The following CDH4 variants were observed in gnomAD, a reference collection of about 807,000 sequenced individuals.
CDH4 encodes the protein cadherin-4.
Under a neutral mutation model 86.0 loss-of-function variants are expected in CDH4, and 33 were observed. That is an observed-to-expected ratio of 0.38 (90% confidence interval 0.29 to 0.51). CDH4 has a LOEUF of 0.51. CDH4 is among the 20% of genes least tolerant of loss of function. The pLI, the probability that CDH4 is intolerant of heterozygous loss-of-function variation, is 0.86. For synonymous variants in CDH4, 555 were observed against 549.4 expected (o/e 1.01, Z -0.14); for missense variants, 1,114 against 1,307.4 (o/e 0.85, Z 2.28).
intron 2 of CDH4, among the ~76,000 whole-genome samples, chr20:61,562,567 C>T (rs561469231): frequency 5.6e-4 from 86 of 152,272 alleles, no homozygotes; most frequent in African/African-American, 1.9e-3. Context: ...TTGGTGCGTC[C>T]CTGCAGGATC....
At chr20:61,471,406 C>A (rs1379331798) in intron 2 of CDH4, among the ~76,000 whole-genome samples, 1 of 150,982 alleles carries the variant, frequency 6.6e-6, no homozygotes, top group Non-Finnish European at 1.5e-5. Flanking sequence ...TTATTTGGGT[C>A]TTCTCTCTTT....
chr20:61,259,821 G>A (rs1399206400), intron 2 of CDH4, among the ~76,000 whole-genome samples: 3 of 152,216 alleles, frequency 2.0e-5, no homozygotes, highest in Admixed American at 6.5e-5. Flanking sequence ...AGTCTATTAG[G>A]TTAGGCTTTG....
chr20:61,396,902 T>C (rs573193882), intron 2 of CDH4, among the ~76,000 whole-genome samples: 1 of 152,254 alleles, frequency 6.6e-6, no homozygotes, highest in East Asian at 1.9e-4. Flanking sequence ...ATGTAAACAG[T>C]ATCTTGATAA....
intron 2 of CDH4, among the ~76,000 whole-genome samples, chr20:61,690,266 G>T (rs2087638946): frequency 6.6e-6 from 1 of 151,966 alleles, no homozygotes; most frequent in Non-Finnish European, 1.5e-5. Flanking sequence ...GAGATGGTGT[G>T]GTCATCAGGC....
chr20:61,705,780 T>A (rs2087822989), intron 2 of CDH4, among the ~76,000 whole-genome samples: 2 of 152,354 alleles, frequency 1.3e-5, no homozygotes, highest in Middle Eastern at 6.8e-3. Flanking sequence ...ATGTGGTGGA[T>A]GCCTGCAGAA....
Position 61,630,417 on chromosome 20 carries a change from C to T in CDH4, c.170-113146C>T, listed in dbSNP as rs115565763. On this transcript the variant is annotated intron_variant, in intron 2 of 15. Transcript: ENST00000614565. ...AGTGTCAGAGATCCCCAGGACTCTG[C>T]TTGGCTCAGGGCTTGTGGTTTAGCT... is the stretch of plus-strand genomic sequence containing the variant. Among the ~76,000 whole-genome samples, 553 of 152,256 alleles carry T rather than the reference C, an allele frequency of 3.6e-3. 2 individuals carry two copies. The highest frequency in any genetic ancestry group is 0.013 in the African/African-American group (531 of 41,550).
At chr20:61,554,861 T>C (rs1030001783) in intron 2 of CDH4, among the ~76,000 whole-genome samples, 1 of 148,710 alleles carries the variant, frequency 6.7e-6, no homozygotes, top group Non-Finnish European at 1.5e-5. Context: ...TGAGTTCGCA[T>C]GTTTGTGTGT....
At chr20:61,575,112 CA>C (rs541867455) in intron 2 of CDH4, among the ~76,000 whole-genome samples, 2 of 152,134 alleles carry the variant, frequency 1.3e-5, no homozygotes, top group African/African-American at 4.8e-5. Context: ...GCGGCCAACA[CA>C]AAAAAGCTAA....
intron 1 of CDH4, among the ~76,000 whole-genome samples, chr20:61,253,298 G>C (rs1008596557): frequency 4.6e-5 from 7 of 151,222 alleles, no homozygotes; most frequent in Non-Finnish European, 1.0e-4. Flanking sequence ...GAGGGCGAGC[G>C]GGTCTCCCGC....
chr20:61,596,403 C>T (rs138558324), intron 2 of CDH4, among the ~76,000 whole-genome samples: 42 of 152,274 alleles, frequency 2.8e-4, no homozygotes, highest in Non-Finnish European at 4.7e-4. Flanking sequence ...CCCAACTCAT[C>T]GTGTGCAGAA....
intron 3 of CDH4, 49 bp from the exon 4 acceptor site, chr20:61,772,954 A>G: frequency 1.3e-6 from 2 of 1,553,904 alleles, no homozygotes; most frequent in South Asian, 1.2e-5. Flanking sequence ...TCCTCTGTGC[A>G]AAACCTAACT....
At chr20:61,743,339 G>A (rs936672723) in intron 2 of CDH4, among the ~76,000 whole-genome samples, 1 of 152,240 alleles carries the variant, frequency 6.6e-6, no homozygotes, top group Non-Finnish European at 1.5e-5. Flanking sequence ...TAGAATGGAA[G>A]CTCAGTGTTG....
intron 2 of CDH4, among the ~76,000 whole-genome samples, chr20:61,278,276 T>C (rs1268106808): frequency 6.6e-6 from 1 of 152,242 alleles, no homozygotes; most frequent in Non-Finnish European, 1.5e-5. Flanking sequence ...AACTAAGATC[T>C]GCAAGTGCCT....
chr20:61,686,011 A>T (rs1468553260), intron 2 of CDH4, among the ~76,000 whole-genome samples: 1 of 152,222 alleles, frequency 6.6e-6, no homozygotes, highest in African/African-American at 2.4e-5. Flanking sequence ...ATCTCAATAA[A>T]TACTGAAGGC....
At chr20:61,897,298 C>T (rs1287661912) in intron 8 of CDH4, among the ~76,000 whole-genome samples, 11 of 152,088 alleles carry the variant, frequency 7.2e-5, no homozygotes, top group Admixed American at 5.9e-4. Flanking sequence ...CATCCCGAGA[C>T]TCTGGGAGGC....
intron 2 of CDH4, among the ~76,000 whole-genome samples, chr20:61,351,583 G>T (rs1715064909): frequency 6.6e-6 from 1 of 152,140 alleles, no homozygotes; most frequent in African/African-American, 2.4e-5. Flanking sequence ...GTGTATGGGG[G>T]GGACGTGAGA....
chr20:61,874,575 G>C (rs910131950), intron 7 of CDH4, among the ~76,000 whole-genome samples: 1 of 152,188 alleles, frequency 6.6e-6, no homozygotes, highest in Admixed American at 6.5e-5. Context: ...GCCTGCCTCT[G>C]CTCTGAAGCT....
intron 2 of CDH4, among the ~76,000 whole-genome samples, chr20:61,447,862 T>C (rs1357956258): frequency 6.6e-6 from 1 of 152,168 alleles, no homozygotes; most frequent in African/African-American, 2.4e-5. Flanking sequence ...CATAACCCTC[T>C]TTTTTACCTT....
At position 61,937,081 on chromosome 20, in the gene CDH4, T is replaced by TGA; in HGVS notation, c.*140_*141dup. The TGA allele has an allele frequency of 1.5e-6, 1 of 662,918 alleles. No individual in the cohort carries two copies. The highest frequency in any genetic ancestry group is 2.4e-6 in the Non-Finnish European group (1 of 425,144). The allele number at this position is 662,918 out of a possible 1,614,324, so 41.1% of individuals were successfully genotyped here. A position where few individuals can be genotyped will look rare whatever the true frequency, so the allele number is the denominator to read the frequency against. The stretch of plus-strand genomic sequence containing the variant: ...TTAGGAGGCCCCCCAATCCCCACGT[T>TGA]GAGCTGTCTAGCATGAGCACCCACC... On this transcript the variant is annotated 3_prime_UTR_variant, in exon 16 of 16. Coordinates refer to ENST00000614565, the MANE Select transcript of CDH4 (RefSeq NM_001794.5).
Sources: gnomAD v4.1 joint callset for allele counts (sites outside exome capture counted in the v4.1 genomes callset) on GRCh38, gnomAD v4.1.1 for gene constraint, MANE v1.5 for transcripts, NCBI Gene and HGNC (gene_info 2026-07-23, HGNC 2026-07-21) for gene names.